CSNK1A1: variants seen among roughly 807,000 people sequenced by gnomAD.
CSNK1A1 encodes casein kinase 1 alpha 1.
CSNK1A1 carries 7 observed loss-of-function variants against 46.1 expected under a neutral mutation model. The observed-to-expected ratio is 0.15, with a 90% CI of 0.09 to 0.29. CSNK1A1 has a LOEUF of 0.29. Ranked by LOEUF, CSNK1A1 falls within the 10% of genes least tolerant of loss-of-function variation. The probability of loss-of-function intolerance (pLI) is 1.00; values close to 1 mark genes in which losing one functional copy is unlikely to be tolerated. For missense variants in CSNK1A1, 96 were observed against 417.1 expected, an observed-to-expected ratio of 0.23 and a Z score of 6.71; for synonymous variants, 137 against 141.5, an observed-to-expected ratio of 0.97 and a Z score of 0.23.
intron 2 of CSNK1A1, among the ~76,000 whole-genome samples, chr5:149,534,493 A>G (rs1160631357): frequency 5.4e-5 from 8 of 148,028 alleles, no homozygotes; most frequent in African/African-American, 2.0e-4. Flanking sequence ...AAAAAAAAAA[A>G]AAAAAAAAAA....
intron 6 of CSNK1A1, among the ~76,000 whole-genome samples, chr5:149,510,794 T>C (rs541126113): frequency 1.3e-5 from 2 of 152,352 alleles, no homozygotes; most frequent in South Asian, 4.1e-4. Flanking sequence ...AAGCATTTTC[T>C]TAACCCATGT....
At position 149,517,173 on chromosome 5, in the gene CSNK1A1, T is replaced by C. The variant is rs529942516; in HGVS notation, c.456+3117A>G. On this transcript the variant is annotated intron_variant, in intron 4 of 9. Coordinates refer to ENST00000377843, the MANE Select transcript of CSNK1A1 (RefSeq NM_001892.6). This position sits in a 1 kb window ranked among gnomAD's most constrained non-coding sequence, Gnocchi z 4.4. ...TACTAATGGTAATCTACCATATAACTTGATAAGTGCTTAAGCTATGTTATT... is the reference window on the plus strand; with the variant it reads ...TACTAATGGTAATCTACCATATAACCTGATAAGTGCTTAAGCTATGTTATT... Among the ~76,000 whole-genome samples the C allele has an allele frequency of 7.2e-5, 11 of 152,336 alleles. No homozygotes were observed. In the East Asian group the frequency reaches 2.1e-3, roughly 29 times the overall value.
At chr5:149,543,240 G>A (rs1762359371) in intron 2 of CSNK1A1, among the ~76,000 whole-genome samples, 1 of 152,132 alleles carries the variant, frequency 6.6e-6, no homozygotes, top group African/African-American at 2.4e-5. Flanking sequence ...ACATAAGGGT[G>A]ATAATGATTC....
At chr5:149,497,735 G>C in intron 9 of CSNK1A1, 3 of 985,450 alleles carry the variant, frequency 3.0e-6, no homozygotes, top group Non-Finnish European at 3.6e-6. Flanking sequence ...TTACAAATGA[G>C]CTAGAAACTA....
At chr5:149,549,412 G>A (rs1352064806) in intron 2 of CSNK1A1, 1 of 698,646 alleles carries the variant, frequency 1.4e-6, no homozygotes, top group Non-Finnish European at 2.6e-6. Flanking sequence ...CTGCTGCAGA[G>A]ATCACAAACA....
At position 149,550,280 on chromosome 5, in the gene CSNK1A1, C is replaced by A. The variant is rs2113214177; in HGVS notation, c.124-99G>T. ...TTAGCAAAACTCCAAGTCGCGACTA[C>A]AAGAAGAAGTGAAAAGCTGGAAAGA... On this transcript the variant is annotated intron_variant, in intron 1 of 9. Coordinates refer to ENST00000377843, the MANE Select transcript of CSNK1A1 (RefSeq NM_001892.6). This position sits in a 1 kb window ranked among gnomAD's most constrained non-coding sequence, Gnocchi z 4.3. The A allele has an allele frequency of 1.3e-6, 2 of 1,501,436 alleles. No homozygotes were observed. Among genetic ancestry groups the A allele is most frequent in the African/African-American group, 1.4e-5 (1 of 71,064 alleles). The allele number at this position is 1,501,436 out of a possible 1,614,324, so 93.0% of individuals were successfully genotyped here.
At chr5:149,498,226 CCTTT>C in intron 9 of CSNK1A1, 1 of 984,700 alleles carries the variant, frequency 1.0e-6, no homozygotes, top group Non-Finnish European at 1.2e-6. Flanking sequence ...CATATATGCC[CCTTT>C]TTTTTTTTGG....
intron 2 of CSNK1A1, among the ~76,000 whole-genome samples, chr5:149,535,324 C>T (rs1762029859): frequency 6.6e-6 from 1 of 152,156 alleles, no homozygotes. Context: ...ATCCCAGTTC[C>T]CTGGCCTAGG....
chr5:149,533,861 T>G (rs946319116), intron 2 of CSNK1A1, among the ~76,000 whole-genome samples: 1 of 152,154 alleles, frequency 6.6e-6, no homozygotes, highest in Admixed American at 6.6e-5. Context: ...TAACACAAAT[T>G]ACAAAAGCTT....
intron 2 of CSNK1A1, among the ~76,000 whole-genome samples, chr5:149,530,627 G>A (rs1030082987): frequency 6.6e-6 from 1 of 152,064 alleles, no homozygotes; most frequent in African/African-American, 2.4e-5. Flanking sequence ...TTGCTGAACC[G>A]TAAGAACTAA....
At position 149,550,352 on chromosome 5, in the gene CSNK1A1, T is replaced by G. The variant is rs2113214508; in HGVS notation, c.124-171A>C. On this transcript the variant is annotated intron_variant, in intron 1 of 9. Coordinates refer to ENST00000377843, the MANE Select transcript of CSNK1A1 (RefSeq NM_001892.6). The surrounding 1 kb of genome is among the most constrained non-coding windows in gnomAD (Gnocchi z 4.3). ...AACGAGGCAACCAGCCTCAAAGGCC[T>G]CTTCAGGGGGTAGTGACGAAATCCG... 7.1e-7 allele frequency: 1 copy of G among 1,417,286 alleles called. No individual in the cohort carries two copies. Among genetic ancestry groups the G allele is most frequent in the East Asian group, 2.6e-5 (1 of 38,930 alleles). The allele number at this position is 1,417,286 out of a possible 1,614,324, so 87.8% of individuals were successfully genotyped here.
In CSNK1A1 at chr5:149,528,867, C is replaced by T. The variant is rs192461015; in HGVS notation, c.231-3696G>A. The stretch of plus-strand genomic sequence containing the variant: ...AACCTGAGTCATGAACAAGCACTAA[C>T]CCGATTCTCTGAGGCCATTTAAGTT... On this transcript the variant is annotated intron_variant, in intron 2 of 9. Coordinates refer to ENST00000377843, the MANE Select transcript of CSNK1A1 (RefSeq NM_001892.6). Among the ~76,000 whole-genome samples, 11 of 152,290 alleles carry T rather than the reference C, an allele frequency of 7.2e-5. No homozygotes were observed. The East Asian group carries it at 1.9e-3, about 27-fold the overall frequency.
rs1760648831 is a variant in CSNK1A1, at chr5:149,496,153, GC to G, written c.*699del. 1 of 152,276 alleles carries G rather than the reference GC, an allele frequency of 6.6e-6. No individual in the cohort carries two copies. The highest frequency in any genetic ancestry group is 2.1e-4 in the South Asian group (1 of 4,822). 9.4% of individuals were successfully genotyped at this position (152,276 alleles called of 1,614,324 possible). A position where few individuals can be genotyped will look rare whatever the true frequency, so the allele number is the denominator to read the frequency against. The stretch of plus-strand genomic sequence containing the variant: ...TTAACTAAATTTCTGTGACAAATAT[GC>G]TTTTTTTTTAATACCAAGAACATTA... On this transcript the variant is annotated 3_prime_UTR_variant, in exon 10 of 10. Transcript: ENST00000377843.
At chr5:149,498,359 C>T (rs1342061326) in intron 9 of CSNK1A1, 9 of 985,164 alleles carry the variant, frequency 9.1e-6, no homozygotes, top group Non-Finnish European at 1.1e-5. Context: ...GAATATACTT[C>T]ACCATAGGGA....
chr5:149,537,711 T>C (rs1317097253), intron 2 of CSNK1A1, among the ~76,000 whole-genome samples: 1 of 113,746 alleles, frequency 8.8e-6, no homozygotes, highest in Non-Finnish European at 1.8e-5. Context: ...GTGGTAATTA[T>C]TTATACACAG....
rs1418658536 is a variant in CSNK1A1 at position 149,524,765 on chromosome 5, A to T, written c.357+280T>A. Among the ~76,000 whole-genome samples, 3 of 152,228 alleles carry T rather than the reference A, an allele frequency of 2.0e-5. No homozygotes were observed. In the East Asian group the frequency reaches 5.8e-4, roughly 29 times the overall value. ...TGCATACATACACTCTAAACTCTCCAAACAAAATCTTACAATAACCTGCTA... is the reference window on the plus strand; with the variant it reads ...TGCATACATACACTCTAAACTCTCCTAACAAAATCTTACAATAACCTGCTA... On this transcript the variant is annotated intron_variant, in intron 3 of 9. Coordinates refer to ENST00000377843, the MANE Select transcript of CSNK1A1 (RefSeq NM_001892.6).
chr5:149,530,965 C>CAAAAA (rs59281087), intron 2 of CSNK1A1, among the ~76,000 whole-genome samples: 1 of 81,736 alleles, frequency 1.2e-5, no homozygotes, highest in African/African-American at 5.6e-5. Context: ...GACTCTGTCT[C>CAAAAA]AAAAAAAAAA....
chr5:149,497,464 T>C, intron 9 of CSNK1A1: 1 of 986,152 alleles, frequency 1.0e-6, no homozygotes, highest in Non-Finnish European at 1.2e-6. Flanking sequence ...GATGCTTTTT[T>C]GGCTTTATTT....
intron 4 of CSNK1A1, among the ~76,000 whole-genome samples, chr5:149,519,009 T>A (rs898244625): frequency 6.6e-6 from 1 of 151,864 alleles, no homozygotes; most frequent in Non-Finnish European, 1.5e-5. Context: ...GAACAGTAAT[T>A]TTTTTTTCAA....
Sources: allele counts gnomAD v4.1 joint callset (sites outside exome capture counted in the v4.1 genomes callset), GRCh38; gene constraint gnomAD v4.1.1; non-coding constraint Gnocchi (gnomAD v3.1); transcripts MANE v1.5; gene names NCBI Gene and HGNC (gene_info 2026-07-23, HGNC 2026-07-21).